NDUFV2: variants seen among roughly 807,000 people sequenced by gnomAD.
NDUFV2 encodes the protein NADH:ubiquinone oxidoreductase core subunit V2, also known as NADH dehydrogenase [ubiquinone] flavoprotein 2, mitochondrial.
In NDUFV2, 18 loss-of-function variants were observed where a neutral mutation model predicts 31.6. The observed-to-expected ratio is 0.57, with a 90% CI of 0.39 to 0.84. NDUFV2 has a LOEUF of 0.84. NDUFV2 is among the 40% of genes least tolerant of loss of function. The probability of loss-of-function intolerance (pLI) is 0.00; values close to 1 mark genes in which losing one functional copy is unlikely to be tolerated. For synonymous variants in NDUFV2, 83 were observed against 99.8 expected, an observed-to-expected ratio of 0.83 and a Z score of 1.01; for missense variants, 314 against 303.6, an observed-to-expected ratio of 1.03 and a Z score of -0.26.
At chr18:9,113,595 A>T (rs989112153) in intron 1 of NDUFV2, among the ~76,000 whole-genome samples, 4 of 152,190 alleles carry the variant, frequency 2.6e-5, no homozygotes, top group African/African-American at 2.4e-5. Flanking sequence ...AAAAAAGAAG[A>T]AGTAAAAACT....
intron 4 of NDUFV2, chr18:9,121,420 A>C (rs1252372612): frequency 6.6e-6 from 1 of 152,108 alleles, no homozygotes; most frequent in Admixed American, 6.6e-5. Context: ...TTTGATAGAG[A>C]GCTCCCCAGA....
chr18:9,106,675 A>G (rs966835162), intron 1 of NDUFV2, among the ~76,000 whole-genome samples: 13 of 152,216 alleles, frequency 8.5e-5, no homozygotes, highest in Non-Finnish European at 1.9e-4. Context: ...AATTTCCACA[A>G]AACTTTGTGG....
intron 1 of NDUFV2, chr18:9,104,174 G>C (rs568021446): frequency 1.2e-6 from 2 of 1,612,786 alleles, no homozygotes; most frequent in South Asian, 1.1e-5. Context: ...TTAAAGTCTT[G>C]TTGGCAAGAA....
chr18:9,104,128 A>T (rs767071305), intron 1 of NDUFV2: 7 of 1,612,062 alleles, frequency 4.3e-6, no homozygotes, highest in Non-Finnish European at 5.9e-6. Context: ...CAGATTGGGC[A>T]TGGGGTCCGA....
Position 9,128,534 on chromosome 18 carries a change from T to A in NDUFV2, c.656+1627T>A, listed in dbSNP as rs144584661. Among the ~76,000 whole-genome samples the A allele has an allele frequency of 1.4e-3, 220 of 152,326 alleles. 1 individual carries two copies. Among genetic ancestry groups the A allele is most frequent in the African/African-American group, 5.1e-3 (211 of 41,574 alleles). On this transcript the variant is annotated intron_variant, in intron 7 of 7. Transcript: ENST00000318388. ...ACTTTCTTGGGTATACCCCTTTTTT[T>A]AGGAGGTAAATCATTTCCCTGGTGA...
chr18:9,121,799 C>A (rs2077937959), intron 4 of NDUFV2, among the ~76,000 whole-genome samples: 1 of 152,110 alleles, frequency 6.6e-6, no homozygotes, highest in Admixed American at 6.5e-5. Flanking sequence ...GTCCTGAACA[C>A]CAGAATGTCA....
chr18:9,103,863 A>G (rs2077827528), intron 1 of NDUFV2: 1 of 321,524 alleles, frequency 3.1e-6, no homozygotes, highest in East Asian at 6.0e-5. Flanking sequence ...TAGTCATTTG[A>G]TAACTGTTTT....
intron 7 of NDUFV2, among the ~76,000 whole-genome samples, chr18:9,132,886 ATAAATT>A (rs1158567018): frequency 1.3e-5 from 2 of 152,198 alleles, no homozygotes; most frequent in Non-Finnish European, 2.9e-5. Context: ...AAAATAATAA[ATAAATT>A]TAAAAATTGC....
chr18:9,118,123 A>C (rs2077908340), intron 2 of NDUFV2, among the ~76,000 whole-genome samples: 3 of 152,300 alleles, frequency 2.0e-5, no homozygotes, highest in African/African-American at 7.2e-5. Context: ...TGGGAATAAG[A>C]ATTTATTTCC....
intron 1 of NDUFV2, among the ~76,000 whole-genome samples, chr18:9,106,310 G>A (rs1198424241): frequency 1.3e-5 from 2 of 152,136 alleles, no homozygotes; most frequent in Non-Finnish European, 2.9e-5. Context: ...AACCTCATTG[G>A]TTTTTTATGA....
intron 1 of NDUFV2, among the ~76,000 whole-genome samples, chr18:9,105,524 T>C (rs35587943): frequency 0.11 from 16,619 of 152,274 alleles, 1,071 homozygotes; most frequent in African/African-American, 0.16. Flanking sequence ...TTCTGTAATG[T>C]TGATGCCACT....
intron 7 of NDUFV2, chr18:9,132,384 G>A (rs2078047759): frequency 6.6e-6 from 1 of 152,176 alleles, no homozygotes; most frequent in Non-Finnish European, 1.5e-5. Context: ...CAAATGCTCA[G>A]CTTTCAGGAG....
intron 7 of NDUFV2, among the ~76,000 whole-genome samples, chr18:9,130,815 C>T (rs1410690144): frequency 6.6e-6 from 1 of 152,194 alleles, no homozygotes; most frequent in Admixed American, 6.5e-5. Flanking sequence ...CTGAGTACCA[C>T]TGCCAGGTCT....
At chr18:9,123,019 T>G (rs530210867) in intron 5 of NDUFV2, among the ~76,000 whole-genome samples, 2 of 152,352 alleles carry the variant, frequency 1.3e-5, no homozygotes, top group South Asian at 4.1e-4. Flanking sequence ...TATTAAAAAG[T>G]GACCCATTAT....
At chr18:9,103,227 A>G in intron 1 of NDUFV2, 1 of 398,476 alleles carries the variant, frequency 2.5e-6, no homozygotes, top group Non-Finnish European at 4.4e-6. Flanking sequence ...TGCTTCGTGA[A>G]GGCTTAGGGA....
chr18:9,124,669 A>C (rs1413228175), intron 5 of NDUFV2, among the ~76,000 whole-genome samples: 2 of 151,756 alleles, frequency 1.3e-5, no homozygotes, highest in Non-Finnish European at 2.9e-5. Context: ...AGGATGGTCT[A>C]GATCTCCTGA....
At chr18:9,114,210 G>T (rs181859435) in intron 1 of NDUFV2, among the ~76,000 whole-genome samples, 1 of 152,244 alleles carries the variant, frequency 6.6e-6, no homozygotes, top group East Asian at 1.9e-4. Context: ...AACTAAAAGA[G>T]AAATTTATGA....
intron 1 of NDUFV2, among the ~76,000 whole-genome samples, chr18:9,105,510 G>A (rs538854736): frequency 7.2e-5 from 11 of 152,240 alleles, no homozygotes; most frequent in Admixed American, 7.2e-4. Flanking sequence ...ATTGCCCATG[G>A]TTTTTCTGTA....
intron 7 of NDUFV2, among the ~76,000 whole-genome samples, chr18:9,131,865 G>C (rs1295298143): frequency 2.0e-5 from 3 of 152,180 alleles, no homozygotes; most frequent in Non-Finnish European, 4.4e-5. Context: ...AAAAACACTA[G>C]TGTAAATTGT....
Sources: allele counts gnomAD v4.1 joint callset (sites outside exome capture counted in the v4.1 genomes callset), GRCh38; gene constraint gnomAD v4.1.1; transcripts MANE v1.5; gene names NCBI Gene and HGNC (gene_info 2026-07-23, HGNC 2026-07-21).